The following TRAPPC9 variants were observed in gnomAD, a reference collection of about 807,000 sequenced individuals.
The protein encoded by TRAPPC9 is IKK2 binding protein.
TRAPPC9 carries 83 observed loss-of-function variants against 124.0 expected under a neutral mutation model. The ratio of observed to expected loss-of-function variants is 0.67; its 90% CI spans 0.56 to 0.80. TRAPPC9 has a LOEUF of 0.80. Ranked by LOEUF, TRAPPC9 falls within the 30% of genes least tolerant of loss-of-function variation. The pLI, the probability that TRAPPC9 is intolerant of heterozygous loss-of-function variation, is 0.00. For missense variants in TRAPPC9, 1,302 were observed against 1,508.3 expected (o/e 0.86, Z 2.27); for synonymous variants, 638 against 617.5 (o/e 1.03, Z -0.49).
chr8:140,221,659 G>A, intron 16 of TRAPPC9, 76 bp from the exon 17 acceptor site: 1 of 1,530,698 alleles, frequency 6.5e-7, no homozygotes, highest in Non-Finnish European at 8.8e-7. Flanking sequence ...TGTTGTTTGG[G>A]ACGGGTCTCG....
intron 19 of TRAPPC9, among the ~76,000 whole-genome samples, chr8:139,952,130 C>G (rs1834680346): frequency 6.6e-6 from 1 of 152,214 alleles, no homozygotes; most frequent in Admixed American, 6.5e-5. Flanking sequence ...TAACTTCAGT[C>G]TCAAAATGGC....
intron 20 of TRAPPC9, among the ~76,000 whole-genome samples, chr8:139,894,417 G>T (rs1180447509): frequency 6.6e-6 from 1 of 152,104 alleles, no homozygotes; most frequent in Non-Finnish European, 1.5e-5. Flanking sequence ...GAGTCAGTTT[G>T]CCCCAAGCCC....
chr8:140,139,287 T>A (rs2061348460), intron 17 of TRAPPC9, among the ~76,000 whole-genome samples: 1 of 152,112 alleles, frequency 6.6e-6, no homozygotes, highest in African/African-American at 2.4e-5. Context: ...GCTCAGATTT[T>A]GTGAAACCCT....
At chr8:140,411,711 G>A (rs2069713168) in intron 5 of TRAPPC9, among the ~76,000 whole-genome samples, 1 of 152,160 alleles carries the variant, frequency 6.6e-6, no homozygotes, top group Non-Finnish European at 1.5e-5. Flanking sequence ...ATGTCAAAAG[G>A]TTTTAAGAAT....
At chr8:140,074,229 C>T (rs564104041) in intron 17 of TRAPPC9, among the ~76,000 whole-genome samples, 13 of 152,190 alleles carry the variant, frequency 8.5e-5, no homozygotes, top group South Asian at 6.2e-4. Context: ...GACAAGACTC[C>T]TCCTCCTCCT....
chr8:140,009,692 G>A (rs112406679), intron 18 of TRAPPC9, among the ~76,000 whole-genome samples: 20 of 152,268 alleles, frequency 1.3e-4, no homozygotes, highest in East Asian at 1.9e-4. Context: ...ATCCACTCCC[G>A]CCCGTGGCGC....
At chr8:140,083,120 A>G (rs761984777) in intron 17 of TRAPPC9, among the ~76,000 whole-genome samples, 9 of 152,200 alleles carry the variant, frequency 5.9e-5, no homozygotes, top group East Asian at 5.8e-4. Flanking sequence ...TTGAACCTGG[A>G]AGGCGGAGGT....
intron 19 of TRAPPC9, among the ~76,000 whole-genome samples, chr8:139,982,787 G>A (rs1440866776): frequency 1.3e-5 from 2 of 152,180 alleles, no homozygotes; most frequent in Non-Finnish European, 1.5e-5. Context: ...AGACTAACAA[G>A]ATCTCGCTAA....
chr8:140,434,042 T>A (rs559652662), intron 4 of TRAPPC9, among the ~76,000 whole-genome samples: 1 of 152,230 alleles, frequency 6.6e-6, no homozygotes, highest in African/African-American at 2.4e-5. Context: ...AGCCTCTGAG[T>A]GGCTGCTTTC....
At chr8:140,240,039 G>A (rs1265884744) in intron 16 of TRAPPC9, among the ~76,000 whole-genome samples, 7 of 152,134 alleles carry the variant, frequency 4.6e-5, no homozygotes, top group Non-Finnish European at 7.3e-5. Flanking sequence ...GATGGCTCTC[G>A]AATAAAATTA....
intron 21 of TRAPPC9, among the ~76,000 whole-genome samples, chr8:139,854,673 G>C (rs985803667): frequency 6.6e-6 from 1 of 152,216 alleles, no homozygotes; most frequent in Admixed American, 6.5e-5. Context: ...GCCTGCACAC[G>C]TAAAATCCTA....
chr8:140,269,553 AAAATAAATAAAT>A lies in TRAPPC9; in HGVS notation c.2278+6093_2278+6104del, dbSNP rs61634673. ...AAGACTCTGTCTCAAAAAATAAAATAAAATAAATAAATAAATAAATAAATAAATAAATAAATA... is the reference window on the plus strand; with the variant it reads ...AAGACTCTGTCTCAAAAAATAAAATAAAATAAATAAATAAATAAATAAATA... On this transcript the variant is annotated intron_variant, in intron 15 of 22. Coordinates refer to ENST00000438773, the MANE Select transcript of TRAPPC9 (RefSeq NM_001160372.4). Among the ~76,000 whole-genome samples the A allele has an allele frequency of 3.8e-3, 437 of 113,868 alleles. 2 individuals are homozygous for A. Among genetic ancestry groups the A allele is most frequent in the African/African-American group, 5.2e-3 (149 of 28,412 alleles). 74.7% of individuals were successfully genotyped at this position (113,868 alleles called of 152,430 possible). A position where few individuals can be genotyped will look rare whatever the true frequency, so the allele number is the denominator to read the frequency against.
chr8:140,117,950 T>C (rs2060920975), intron 17 of TRAPPC9, among the ~76,000 whole-genome samples: 1 of 152,252 alleles, frequency 6.6e-6, no homozygotes, highest in African/African-American at 2.4e-5. Context: ...ACAGTGCATT[T>C]GTAATTTACC....
At position 140,169,231 on chromosome 8, in the gene TRAPPC9, A is replaced by G. The variant is rs958087785; in HGVS notation, c.2556+52228T>C. Among the ~76,000 whole-genome samples the G allele has an allele frequency of 2.0e-5, 3 of 152,362 alleles. No homozygotes were observed. In the South Asian group the frequency reaches 6.2e-4, roughly 32 times the overall value. ...GTTATTGAGTGCAAATCAAAACCAC[A>G]GTGAAGCACCACTTCACATCCACTA... On this transcript the variant is annotated intron_variant, in intron 17 of 22. Coordinates refer to ENST00000438773, the MANE Select transcript of TRAPPC9 (RefSeq NM_001160372.4).
intron 17 of TRAPPC9, among the ~76,000 whole-genome samples, chr8:140,033,673 T>TTTG (rs1563706816): frequency 0.012 from 923 of 76,736 alleles, 49 homozygotes; most frequent in South Asian, 0.023. Flanking sequence ...TTTTTTTTTT[T>TTTG]TTTTTTTTTT....
chr8:140,272,435 G>T (rs1172194392), intron 15 of TRAPPC9, among the ~76,000 whole-genome samples: 4 of 151,368 alleles, frequency 2.6e-5, no homozygotes, highest in Non-Finnish European at 5.9e-5. Flanking sequence ...GGTGATGGTA[G>T]TGATGGTGGT....
intron 17 of TRAPPC9, among the ~76,000 whole-genome samples, chr8:140,085,527 G>A (rs1311086616): frequency 6.6e-6 from 1 of 152,162 alleles, no homozygotes; most frequent in African/African-American, 2.4e-5. Context: ...AAATGCCAGG[G>A]AAGCCCCGTC....
intron 21 of TRAPPC9, among the ~76,000 whole-genome samples, chr8:139,766,396 C>G (rs1477954861): frequency 6.6e-6 from 1 of 152,242 alleles, no homozygotes; most frequent in South Asian, 2.1e-4. Context: ...CCTCCCTGTG[C>G]CCATCATGAT....
chr8:140,286,299 C>G (rs1055161649), intron 13 of TRAPPC9, among the ~76,000 whole-genome samples: 1 of 152,190 alleles, frequency 6.6e-6, no homozygotes, highest in Non-Finnish European at 1.5e-5. Flanking sequence ...CCACACTGGG[C>G]TCCAGAGCAA....
Sources: gnomAD v4.1 joint callset for allele counts (sites outside exome capture counted in the v4.1 genomes callset) on GRCh38, gnomAD v4.1.1 for gene constraint, MANE v1.5 for transcripts, NCBI Gene and HGNC (gene_info 2026-07-23, HGNC 2026-07-21) for gene names.